The following SLF2 variants were observed in gnomAD, a reference collection of about 807,000 sequenced individuals.
The protein encoded by SLF2 is SMC5/6 complex localization factor 2, also known as SMC5-SMC6 complex localization factor protein 2.
Under a neutral mutation model 124.3 loss-of-function variants are expected in SLF2, and 68 were observed. That is an observed-to-expected ratio of 0.55 (90% CI 0.45 to 0.67). The LOEUF is 0.67. Among genes scored for constraint, SLF2 ranks in the 30% least tolerant of loss-of-function variants. The pLI is 0.00. For missense variants in SLF2, 1,246 were observed against 1,373.7 expected, an observed-to-expected ratio of 0.91 and a Z score of 1.47; for synonymous variants, 480 against 478.8, an observed-to-expected ratio of 1.00 and a Z score of -0.03.
intron 4 of SLF2, among the ~76,000 whole-genome samples, chr10:100,922,965 A>G (rs528557950): frequency 1.3e-5 from 2 of 151,880 alleles, no homozygotes; most frequent in Non-Finnish European, 2.9e-5. Context: ...CAGTAGAGAC[A>G]GGGTTTCACC....
At chr10:100,913,701 G>C (rs1849365665) in intron 1 of SLF2, 1 of 997,308 alleles carries the variant, frequency 1.0e-6, no homozygotes, top group Non-Finnish European at 1.2e-6. Context: ...TTGTAGTCCA[G>C]CGTGCACGCT....
At chr10:100,942,662 G>A (rs1564780268) in intron 11 of SLF2, among the ~76,000 whole-genome samples, 1 of 152,126 alleles carries the variant, frequency 6.6e-6, no homozygotes, top group African/African-American at 2.4e-5. Context: ...GGGATTACAG[G>A]CACCCGCCAC....
At chr10:100,918,242 A>T in intron 3 of SLF2, 142 bp from the exon 4 acceptor site, 1 of 441,674 alleles carries the variant, frequency 2.3e-6, no homozygotes, top group Non-Finnish European at 4.0e-6. Context: ...TAAATATTTT[A>T]TTATAGACAT....
At chr10:100,939,728 A>T (rs1250598670) in intron 11 of SLF2, among the ~76,000 whole-genome samples, 1 of 152,188 alleles carries the variant, frequency 6.6e-6, no homozygotes, top group Non-Finnish European at 1.5e-5. Flanking sequence ...TCAAGTCAAT[A>T]AGAAAAAGAT....
intron 19 of SLF2, among the ~76,000 whole-genome samples, chr10:100,960,981 T>G (rs1850416033): frequency 6.9e-6 from 1 of 145,634 alleles, no homozygotes; most frequent in Non-Finnish European, 1.5e-5. Context: ...GAGTGAGAAC[T>G]GAGATATTCT....
intron 9 of SLF2, among the ~76,000 whole-genome samples, chr10:100,932,689 A>G (rs954879744): frequency 5.3e-5 from 6 of 112,858 alleles, no homozygotes; most frequent in Non-Finnish European, 8.9e-5. Flanking sequence ...GAGACAAACA[A>G]TAAGTGTGTG....
At chr10:100,937,346 T>C in intron 9 of SLF2, 56 bp from the exon 10 acceptor site, 1 of 1,352,264 alleles carries the variant, frequency 7.4e-7, no homozygotes, top group Non-Finnish European at 1.1e-6. Flanking sequence ...TAGCAAATAA[T>C]GAATGTTTGT....
chr10:100,946,822 A>G (rs1034907375), intron 13 of SLF2, among the ~76,000 whole-genome samples: 2 of 152,256 alleles, frequency 1.3e-5, no homozygotes, highest in African/African-American at 2.4e-5. Flanking sequence ...AAATTCTGCT[A>G]AATGTATCTG....
intron 18 of SLF2, 52 bp downstream of exon 18, chr10:100,956,589 T>C: frequency 7.3e-7 from 1 of 1,365,300 alleles, no homozygotes; most frequent in Non-Finnish European, 1.0e-6. Context: ...CTTGGTTACG[T>C]TAATATTTAA....
intron 13 of SLF2, among the ~76,000 whole-genome samples, chr10:100,946,519 G>T (rs575104820): frequency 1.3e-5 from 2 of 152,054 alleles, no homozygotes; most frequent in South Asian, 2.1e-4. Flanking sequence ...TAGAGACAGG[G>T]TTTTACCATT....
At chr10:100,953,469 A>G (rs988172743) in intron 17 of SLF2, among the ~76,000 whole-genome samples, 1 of 151,452 alleles carries the variant, frequency 6.6e-6, no homozygotes, top group African/African-American at 2.4e-5. Flanking sequence ...TTTAAAAAAA[A>G]AAAAAATTTA....
chr10:100,926,069 G>A (rs182919542), intron 6 of SLF2, 50 bp downstream of exon 6: 1 of 1,614,116 alleles, frequency 6.2e-7, no homozygotes, highest in Admixed American at 1.7e-5. Context: ...TTGCTTGTTT[G>A]TGTGGCTTAC....
intron 14 of SLF2, among the ~76,000 whole-genome samples, chr10:100,947,489 A>T (rs1018998654): frequency 3.8e-4 from 58 of 152,212 alleles, no homozygotes; most frequent in African/African-American, 1.4e-3. Context: ...TTTCATCAGT[A>T]AAAAAATAGG....
intron 14 of SLF2, among the ~76,000 whole-genome samples, chr10:100,947,437 A>G (rs192541489): frequency 9.9e-5 from 15 of 152,258 alleles, no homozygotes; most frequent in South Asian, 2.1e-4. Flanking sequence ...ATATTCCACA[A>G]AAATAAATGA....
At chr10:100,958,355 A>G (rs770511361) in intron 18 of SLF2, among the ~76,000 whole-genome samples, 8 of 152,226 alleles carry the variant, frequency 5.3e-5, no homozygotes, top group Non-Finnish European at 7.3e-5. Context: ...CTGATTTTCA[A>G]ATACATGTAG....
At chr10:100,926,337 G>A in intron 6 of SLF2, 3 of 1,390,844 alleles carry the variant, frequency 2.2e-6, no homozygotes, top group South Asian at 3.1e-5. Flanking sequence ...AGGTGTGATG[G>A]CTCATGCCTG....
intron 6 of SLF2, among the ~76,000 whole-genome samples, chr10:100,928,900 C>T (rs765713760): frequency 2.0e-5 from 3 of 151,880 alleles, no homozygotes; most frequent in Non-Finnish European, 4.4e-5. Flanking sequence ...GCCTAGTTAA[C>T]TTATCAGGTT....
chr10:100,961,797 T>G, intron 19 of SLF2, 80 bp from the exon 20 acceptor site: 1 of 1,190,502 alleles, frequency 8.4e-7, no homozygotes. Context: ...CATTGTCTGA[T>G]GATTAGTAGT....
chr10:100,939,590 A>G (rs1013854283), intron 11 of SLF2, among the ~76,000 whole-genome samples: 12 of 151,450 alleles, frequency 7.9e-5, no homozygotes, highest in Non-Finnish European at 1.6e-4. Context: ...AGGCAGGAGA[A>G]TCACTTGAAC....
Sources: gnomAD v4.1 joint callset for allele counts (sites outside exome capture counted in the v4.1 genomes callset) on GRCh38, gnomAD v4.1.1 for gene constraint, MANE v1.5 for transcripts, NCBI Gene and HGNC (gene_info 2026-07-23, HGNC 2026-07-21) for gene names.